PDE8B: variants seen among roughly 807,000 people sequenced by gnomAD.
PDE8B encodes high affinity cAMP-specific and IBMX-insensitive 3',5'-cyclic phosphodiesterase 8B.
Under a neutral mutation model 101.3 loss-of-function variants are expected in PDE8B, and 26 were observed. The ratio of observed to expected loss-of-function variants is 0.26; its 90% CI spans 0.19 to 0.36. The LOEUF is 0.36. Ranked by LOEUF, PDE8B falls within the 10% of genes least tolerant of loss-of-function variation. The pLI, the probability that PDE8B is intolerant of heterozygous loss-of-function variation, is 1.00. For synonymous variants in PDE8B, 424 were observed against 429.3 expected, an observed-to-expected ratio of 0.99 and a Z score of 0.15; for missense variants, 810 against 1,163.1, an observed-to-expected ratio of 0.70 and a Z score of 4.42.
chr5:77,139,728 T>G, the PDE8B span: 1 of 152,370 alleles, frequency 6.6e-6, no homozygotes, highest in African/African-American at 2.4e-5. Context: ...CATTAAATAT[T>G]TCTATTTAGT....
chr5:77,155,998 A>T, the PDE8B span, among the ~76,000 whole-genome samples: 2 of 152,236 alleles, frequency 1.3e-5, no homozygotes, highest in Non-Finnish European at 2.9e-5. Context: ...TTACATAGAT[A>T]ATAAAAAATG....
chr5:77,323,443 G>A (rs1775454347), intron 2 of PDE8B, among the ~76,000 whole-genome samples: 2 of 152,236 alleles, frequency 1.3e-5, no homozygotes, highest in East Asian at 1.9e-4. Context: ...TGATATTGTG[G>A]TTTGTTCTTT....
chr5:77,200,224 TAGTTTTA>T, the PDE8B span, among the ~76,000 whole-genome samples: 1 of 152,052 alleles, frequency 6.6e-6, no homozygotes, highest in East Asian at 1.9e-4. Context: ...GGAATATCCA[TAGTTTTA>T]AGTTGTAGAA....
intron 1 of PDE8B, among the ~76,000 whole-genome samples, chr5:77,221,907 A>G (rs1751165611): frequency 6.6e-6 from 1 of 151,808 alleles, no homozygotes; most frequent in Non-Finnish European, 1.5e-5. Flanking sequence ...CTTATTCGAA[A>G]CTCATTGTTT....
the PDE8B span, among the ~76,000 whole-genome samples, chr5:77,143,252 G>A: frequency 6.6e-6 from 1 of 152,150 alleles, no homozygotes; most frequent in Non-Finnish European, 1.5e-5. Context: ...AATTCAACCT[G>A]ATATCATTAT....
intron 1 of PDE8B, among the ~76,000 whole-genome samples, chr5:77,270,634 A>G (rs533055190): frequency 6.6e-6 from 1 of 152,296 alleles, no homozygotes; most frequent in East Asian, 1.9e-4. Context: ...ACTCTGTTCA[A>G]CAAGATACCT....
At chr5:77,360,492 T>C (rs903574621) in intron 10 of PDE8B, among the ~76,000 whole-genome samples, 4 of 152,212 alleles carry the variant, frequency 2.6e-5, no homozygotes, top group Non-Finnish European at 5.9e-5. Flanking sequence ...GGTGGCTGAC[T>C]TTTCAGAAGG....
At chr5:77,397,573 C>T (rs1791345926) in intron 10 of PDE8B, among the ~76,000 whole-genome samples, 1 of 152,170 alleles carries the variant, frequency 6.6e-6, no homozygotes, top group Non-Finnish European at 1.5e-5. Context: ...AGGCACAGAA[C>T]TTAGACCTAA....
intron 1 of PDE8B, chr5:77,290,259 G>T: frequency 1.3e-6 from 2 of 1,556,288 alleles, no homozygotes; most frequent in Admixed American, 1.9e-5. Flanking sequence ...GAGCAGGCCT[G>T]CTGCCTTCAT....
intron 1 of PDE8B, among the ~76,000 whole-genome samples, chr5:77,286,038 T>C (rs1174621993): frequency 6.6e-6 from 1 of 152,198 alleles, no homozygotes. Context: ...TATTAAAGTC[T>C]TTGGGAATTC....
intron 6 of PDE8B, among the ~76,000 whole-genome samples, chr5:77,340,544 T>G (rs1370506098): frequency 6.6e-6 from 1 of 151,886 alleles, no homozygotes; most frequent in African/African-American, 2.4e-5. Flanking sequence ...GTTCAGAATC[T>G]TTTCCCTACA....
Position 77,411,347 on chromosome 5 carries a change from G to A in PDE8B, c.1531-329G>A, listed in dbSNP as rs548042824. ...GGATCCCGTCAAGATCTGAAGCAAG[G>A]TCACTCCTGTGATTTCACCTGTGTA... On this transcript the variant is annotated intron_variant, in intron 14 of 21. Coordinates refer to ENST00000264917, the MANE Select transcript of PDE8B (RefSeq NM_003719.5). Among the ~76,000 whole-genome samples the A allele has an allele frequency of 5.9e-5, 9 of 152,276 alleles. 1 individual carries two copies. Among genetic ancestry groups the A allele is most frequent in the African/African-American group, 2.2e-4 (9 of 41,560 alleles).
upstream of PDE8B, among the ~76,000 whole-genome samples, chr5:77,206,640 A>G (rs1324203852): frequency 3.9e-5 from 6 of 152,186 alleles, no homozygotes; most frequent in African/African-American, 1.2e-4. Context: ...CAAGGTCGCC[A>G]GGATCCACGT....
At chr5:77,398,406 C>T (rs985165306) in intron 10 of PDE8B, among the ~76,000 whole-genome samples, 1 of 148,618 alleles carries the variant, frequency 6.7e-6, no homozygotes, top group African/African-American at 2.5e-5. Flanking sequence ...ACTGCAACCT[C>T]TGCCTCCTGG....
At chr5:77,178,215 C>T in the PDE8B span, among the ~76,000 whole-genome samples, 1 of 151,998 alleles carries the variant, frequency 6.6e-6, no homozygotes, top group Non-Finnish European at 1.5e-5. Flanking sequence ...GTGCCTTTAT[C>T]CTTCCTCATC....
chr5:77,291,520 C>T, intron 1 of PDE8B: 1 of 1,606,776 alleles, frequency 6.2e-7, no homozygotes, highest in Non-Finnish European at 8.5e-7. Flanking sequence ...GAGGTCTTTG[C>T]ATGGAATACT....
At chr5:77,128,644 G>A in the PDE8B span, among the ~76,000 whole-genome samples, 1 of 152,192 alleles carries the variant, frequency 6.6e-6, no homozygotes, top group Admixed American at 6.5e-5. Flanking sequence ...CAGGCCAAAA[G>A]GATGTGAAAT....
intron 1 of PDE8B, among the ~76,000 whole-genome samples, chr5:77,262,073 C>G (rs1246971250): frequency 6.6e-6 from 1 of 151,932 alleles, no homozygotes. Flanking sequence ...GAAACATAAG[C>G]CTTTATTCAC....
At chr5:77,314,578 T>C (rs1230894752) in intron 2 of PDE8B, among the ~76,000 whole-genome samples, 1 of 152,100 alleles carries the variant, frequency 6.6e-6, no homozygotes, top group Non-Finnish European at 1.5e-5. Context: ...GCTGAACTCA[T>C]GTATTAGTTT....
Sources: allele counts gnomAD v4.1 joint callset (sites outside exome capture counted in the v4.1 genomes callset), GRCh38; gene constraint gnomAD v4.1.1; transcripts MANE v1.5; gene names NCBI Gene and HGNC (gene_info 2026-07-23, HGNC 2026-07-21).